NELL2: variants seen among roughly 807,000 people sequenced by gnomAD.
NELL2 encodes protein kinase C-binding protein NELL2.
Under a neutral mutation model 109.6 loss-of-function variants are expected in NELL2, and 41 were observed. The observed-to-expected ratio is 0.37, with a 90% CI of 0.29 to 0.49. The LOEUF is 0.49. NELL2 is among the 20% of genes least tolerant of loss of function. The probability of loss-of-function intolerance (pLI) is 0.98; values close to 1 mark genes in which losing one functional copy is unlikely to be tolerated. For synonymous variants in NELL2, 355 were observed against 344.7 expected (o/e 1.03, Z -0.33); for missense variants, 900 against 1,008.3 (o/e 0.89, Z 1.45).
At chr12:44,718,145 G>A in intron 9 of NELL2, among the ~76,000 whole-genome samples, 1 of 152,180 alleles carries the variant, frequency 6.6e-6, no homozygotes, top group Non-Finnish European at 1.5e-5. Flanking sequence ...GGCAGCCAGA[G>A]GGTAAAATGA....
At chr12:44,868,017 G>A (rs1280811131) in intron 2 of NELL2, among the ~76,000 whole-genome samples, 1 of 150,580 alleles carries the variant, frequency 6.6e-6, no homozygotes, top group East Asian at 2.0e-4. Flanking sequence ...CTACTTGGGA[G>A]GCTGATGCAG....
chr12:44,605,910 G>A (rs1945384410), intron 15 of NELL2, among the ~76,000 whole-genome samples: 1 of 152,070 alleles, frequency 6.6e-6, no homozygotes, highest in Middle Eastern at 3.2e-3. Flanking sequence ...CTGCAGTAGA[G>A]GTGCCTGATT....
intron 13 of NELL2, among the ~76,000 whole-genome samples, chr12:44,640,761 T>A (rs944881864): frequency 6.6e-6 from 1 of 152,152 alleles, no homozygotes; most frequent in Non-Finnish European, 1.5e-5. Flanking sequence ...TAATATCACA[T>A]AAACAATAAG....
intron 9 of NELL2, among the ~76,000 whole-genome samples, chr12:44,720,450 A>T (rs1310974641): frequency 2.0e-5 from 3 of 152,160 alleles, no homozygotes; most frequent in African/African-American, 4.8e-5. Flanking sequence ...TTACAGAAGG[A>T]GTCTGCCCTT....
At position 44,511,247 on chromosome 12, in the gene NELL2, C is replaced by T. The variant is rs528555580; in HGVS notation, c.2401-2263G>A. Reference sequence around the variant, plus strand: ...AAGCATGGACAACTAATAAAGCATCCTACTTGGGTTCCAGTTTTACTGATA... The same window carrying T: ...AAGCATGGACAACTAATAAAGCATCTTACTTGGGTTCCAGTTTTACTGATA... On this transcript the variant is annotated intron_variant, in intron 19 of 19. Coordinates refer to ENST00000429094, the MANE Select transcript of NELL2 (RefSeq NM_001145108.2). 5.3e-5 allele frequency among the ~76,000 whole-genome samples: 8 copies of T among 152,268 alleles called. 1 individual carries two copies. In the South Asian group the frequency reaches 1.4e-3, roughly 28 times the overall value.
At chr12:44,851,270 C>G (rs1944527399) in intron 2 of NELL2, among the ~76,000 whole-genome samples, 1 of 152,170 alleles carries the variant, frequency 6.6e-6, no homozygotes, top group Admixed American at 6.5e-5. Flanking sequence ...CTGCCACCCC[C>G]TACCATAAAT....
upstream of NELL2, among the ~76,000 whole-genome samples, chr12:44,878,687 A>G (rs2658974): frequency 0.012 from 1,859 of 151,692 alleles, 53 homozygotes; most frequent in African/African-American, 0.043. Flanking sequence ...GAGTCCATAC[A>G]TTACCACTTC....
At chr12:44,617,705 A>AAAAAAAAAG in intron 13 of NELL2, among the ~76,000 whole-genome samples, 1 of 103,344 alleles carries the variant, frequency 9.7e-6, no homozygotes, top group Non-Finnish European at 1.9e-5. Flanking sequence ...AAAAAAAAAA[A>AAAAAAAAAG]AAAAAAAAGA....
Position 44,711,387 on chromosome 12 carries a change from G to A in NELL2, c.1094C>T (p.Thr365Ile), listed in dbSNP as rs574368166. ...VCVLYECKDQ[T>I]MKLVESSGCP... ...GCCTGAACTCTCAACAAGTTTCATG[G>A]TCTGGTCCTGTTAGACAACAGAAAA... Residue 365 changes from threonine (T) to isoleucine (I), a missense_variant, in exon 11 of 20, where the codon ACC (threonine) becomes ATC (isoleucine). Around this residue, in one of 4 missense-constraint regions of NELL2, gnomAD observed 292 missense variants for 265.3 expected, o/e 1.10. Transcript: ENST00000429094. 1 of 1,611,630 alleles carries A rather than the reference G, an allele frequency of 6.2e-7. No individual in the cohort carries two copies. Among genetic ancestry groups the A allele is most frequent in the South Asian group, 1.1e-5 (1 of 91,046 alleles).
At chr12:44,745,779 T>C (rs1193198550) in intron 9 of NELL2, among the ~76,000 whole-genome samples, 2 of 152,142 alleles carry the variant, frequency 1.3e-5, no homozygotes, top group Non-Finnish European at 2.9e-5. Context: ...TACAAACCAC[T>C]GCTCAATGAA....
At chr12:44,876,592 GGTCTTT>G, upstream of NELL2, 1 of 1,537,208 alleles carries the variant, frequency 6.5e-7, no homozygotes, top group Non-Finnish European at 8.8e-7. Flanking sequence ...GTTGATGGGC[GGTCTTT>G]GCTCTCACCC....
intron 15 of NELL2, among the ~76,000 whole-genome samples, chr12:44,542,969 C>T (rs958561591): frequency 4.5e-4 from 68 of 152,116 alleles, no homozygotes; most frequent in Admixed American, 4.2e-3. Flanking sequence ...AGCAGGAGCA[C>T]GCCTCTGCTG....
chr12:44,605,564 G>A (rs2136244334), intron 15 of NELL2, among the ~76,000 whole-genome samples: 1 of 152,176 alleles, frequency 6.6e-6, no homozygotes, highest in East Asian at 1.9e-4. Flanking sequence ...ATATTACATT[G>A]CCAGTATTAA....
chr12:44,594,264 A>G (rs1592174601), intron 15 of NELL2, among the ~76,000 whole-genome samples: 1 of 152,196 alleles, frequency 6.6e-6, no homozygotes, highest in East Asian at 1.9e-4. Context: ...CCTTCTGTAC[A>G]TGTATCCAAG....
chr12:44,678,024 T>G (rs1212026053), intron 12 of NELL2, among the ~76,000 whole-genome samples: 1 of 151,994 alleles, frequency 6.6e-6, no homozygotes, highest in Non-Finnish European at 1.5e-5. Context: ...AGAATGTAAT[T>G]AAAGCCATGG....
At chr12:44,599,997 T>G (rs1327231572) in intron 15 of NELL2, among the ~76,000 whole-genome samples, 1 of 143,578 alleles carries the variant, frequency 7.0e-6, no homozygotes, top group Non-Finnish European at 1.5e-5. Flanking sequence ...AGTCTCGCTC[T>G]GCCGCCCAGG....
chr12:44,872,066 C>G (rs74082138), intron 2 of NELL2, among the ~76,000 whole-genome samples: 1 of 152,082 alleles, frequency 6.6e-6, no homozygotes, highest in Non-Finnish European at 1.5e-5. Flanking sequence ...CATTCCTGAT[C>G]CCTCATGTAC....
chr12:44,691,163 A>C (rs767643301), intron 12 of NELL2, among the ~76,000 whole-genome samples: 4 of 152,156 alleles, frequency 2.6e-5, no homozygotes, highest in Non-Finnish European at 4.4e-5. Flanking sequence ...TGTGCTTTTT[A>C]TGAACTGAAG....
chr12:44,559,697 CA>C (rs1467705085), intron 15 of NELL2, among the ~76,000 whole-genome samples: 2 of 152,086 alleles, frequency 1.3e-5, no homozygotes, highest in African/African-American at 4.8e-5. Flanking sequence ...TAGAGACTTA[CA>C]AAGAGACTTA....
Sources: gnomAD v4.1 joint callset for allele counts (sites outside exome capture counted in the v4.1 genomes callset) on GRCh38, gnomAD v4.1.1 for gene constraint, gnomAD v4.1.1 regional missense constraint, MANE v1.5 for transcripts, NCBI Gene and HGNC (gene_info 2026-07-23, HGNC 2026-07-21) for gene names.